MTA1: variants seen among roughly 807,000 people sequenced by gnomAD.
The protein encoded by MTA1 is metastasis-associated protein MTA1.
A neutral mutation model predicts 97.0 loss-of-function variants in MTA1; 15 were observed. That is an observed-to-expected ratio of 0.15 (90% CI 0.10 to 0.24). The LOEUF is 0.24. Ranked by LOEUF, MTA1 falls within the 10% of genes least tolerant of loss-of-function variation. The probability of loss-of-function intolerance (pLI) is 1.00; values close to 1 mark genes in which losing one functional copy is unlikely to be tolerated. For synonymous variants in MTA1, 435 were observed against 417.5 expected, an observed-to-expected ratio of 1.04 and a Z score of -0.51; for missense variants, 709 against 1,015.1, an observed-to-expected ratio of 0.70 and a Z score of 4.10.
chr14:105,448,050 A>G (rs1009574102), intron 3 of MTA1, among the ~76,000 whole-genome samples: 18 of 152,070 alleles, frequency 1.2e-4, no homozygotes, highest in Non-Finnish European at 2.1e-4. Flanking sequence ...CCCCTGTGGC[A>G]GAGAAGCCCT....
Position 105,450,335 on chromosome 14 carries a change from G to C in MTA1, c.432+11G>C. ...TACCTGGAGCGGGAGGTGAGGCCCA[G>C]CCCGGCCTGGTCTGCCGCAGCCAGT... On this transcript the variant is annotated intron_variant, in intron 6 of 20. Coordinates refer to ENST00000331320, the MANE Select transcript of MTA1 (RefSeq NM_004689.4). 6.3e-7 allele frequency: 1 copy of C among 1,597,822 alleles called. No homozygotes were observed. Among genetic ancestry groups the C allele is most frequent in the African/African-American group, 1.3e-5 (1 of 74,746 alleles).
chr14:105,447,153 C>G (rs936833832), intron 3 of MTA1, among the ~76,000 whole-genome samples: 10 of 152,212 alleles, frequency 6.6e-5, no homozygotes, highest in African/African-American at 2.2e-4. Context: ...CTCTGCAGGG[C>G]TGGCCCGCTG....
Position 105,420,014 on chromosome 14 carries a change from C to A in MTA1, c.-22C>A. 1 of 1,057,774 alleles carries A rather than the reference C, an allele frequency of 9.5e-7. No individual in the cohort carries two copies. The highest frequency in any genetic ancestry group is 1.1e-6 in the Non-Finnish European group (1 of 874,090). 65.5% of individuals were successfully genotyped at this position (1,057,774 alleles called of 1,614,324 possible). ...CGAGCGCCGCGCCCGCCCCGGGCCC[C>A]TCCGCCGCCGCCGGCCCGGACATGG... On this transcript the variant is annotated 5_prime_UTR_variant, in exon 1 of 21. Transcript: ENST00000331320. The surrounding 1 kb of genome is among the most constrained non-coding windows in gnomAD (Gnocchi z 5.3).
At position 105,422,471 on chromosome 14, in the gene MTA1, C is replaced by T. The variant is rs1034198616; in HGVS notation, c.28+2408C>T. Among the ~76,000 whole-genome samples the T allele has an allele frequency of 7.9e-5, 12 of 152,134 alleles. No individual in the cohort carries two copies. The highest frequency in any genetic ancestry group is 1.3e-4 in the Admixed American group (2 of 15,268). On this transcript the variant is annotated intron_variant, in intron 1 of 20. Transcript: ENST00000331320. This position sits in a 1 kb window ranked among gnomAD's most constrained non-coding sequence, Gnocchi z 4.3. ...GCCAGTCCTGGCCTGTGGGAGATGC[C>T]GGCAGGGACCCAGCCTGGGAAGGGG...
intron 16 of MTA1, 96 bp from the exon 17 acceptor site, chr14:105,466,330 G>A (rs1316601962): frequency 2.6e-6 from 3 of 1,165,338 alleles, no homozygotes; most frequent in Non-Finnish European, 3.7e-6. Context: ...TTAGTTCCTG[G>A]GGGTATCCCG....
chr14:105,462,097 G>T (rs1431437825), intron 10 of MTA1, among the ~76,000 whole-genome samples: 1 of 152,226 alleles, frequency 6.6e-6, no homozygotes, highest in Non-Finnish European at 1.5e-5. Context: ...CGGCTGCGGG[G>T]CCATGCCCAG....
In MTA1 at chr14:105,445,315, C is replaced by T. The variant is rs1238282350; in HGVS notation, c.97-103C>T. 3.0e-6 allele frequency: 3 copies of T among 1,002,758 alleles called. No homozygotes were observed. The East Asian group carries it at 7.3e-5, about 24-fold the overall frequency. The allele number at this position is 1,002,758 out of a possible 1,614,324, so 62.1% of individuals were successfully genotyped here. On this transcript the variant is annotated intron_variant, in intron 2 of 20. Transcript: ENST00000331320. ...GTCCCGAGGGGTGGTGTGGTTACAC[C>T]TGCAGTCCCTGGACGGCAGGGTCCG...
Position 105,420,149 on chromosome 14 carries a change from C to G in MTA1, c.28+86C>G. 1 of 667,090 alleles carries G rather than the reference C, an allele frequency of 1.5e-6. No homozygotes were observed. The highest frequency in any genetic ancestry group is 1.9e-6 in the Non-Finnish European group (1 of 536,900). The allele number at this position is 667,090 out of a possible 1,614,324, so 41.3% of individuals were successfully genotyped here. The stretch of plus-strand genomic sequence containing the variant: ...CTGCCGCCTCCCCCGCCCCTCTGCC[C>G]CGCAGGCCCCGCGCCCCCCGCCCGC... On this transcript the variant is annotated intron_variant, in intron 1 of 20. Coordinates refer to ENST00000331320, the MANE Select transcript of MTA1 (RefSeq NM_004689.4). The surrounding 1 kb of genome is among the most constrained non-coding windows in gnomAD (Gnocchi z 5.3).
chr14:105,467,402 G>A (rs981147343), intron 18 of MTA1: 5 of 455,606 alleles, frequency 1.1e-5, no homozygotes, highest in African/African-American at 2.0e-5. Context: ...GGGCAGCAGG[G>A]CCGGTTTGGC....
intron 1 of MTA1, among the ~76,000 whole-genome samples, chr14:105,426,259 A>G (rs1160037132): frequency 1.3e-5 from 2 of 151,824 alleles, no homozygotes; most frequent in South Asian, 2.1e-4. Context: ...AAACCAGGGC[A>G]GCGGCAGCGG....
intron 6 of MTA1, 121 bp downstream of exon 6, chr14:105,450,445 G>T (rs1259611576): frequency 3.3e-5 from 38 of 1,151,100 alleles, no homozygotes; most frequent in Middle Eastern, 2.5e-4. Context: ...GGCCCAGGCT[G>T]TTCTGGGGGG....
rs587733941 is a variant in MTA1, at chr14:105,446,399, G to A, written c.190+888G>A. ...GAGGCATGTGACTGCCCGGGTACCC[G>A]TGTCGCTGGGGTGGGCCAAGGTCCC... On this transcript the variant is annotated intron_variant, in intron 3 of 20. Transcript: ENST00000331320. Among the ~76,000 whole-genome samples, 11 of 152,358 alleles carry A rather than the reference G, an allele frequency of 7.2e-5. No homozygotes were observed. In the East Asian group the frequency reaches 1.5e-3, roughly 21 times the overall value.
At chr14:105,446,419 G>A (rs1402234540) in intron 3 of MTA1, among the ~76,000 whole-genome samples, 6 of 152,210 alleles carry the variant, frequency 3.9e-5, no homozygotes, top group Non-Finnish European at 7.4e-5. Context: ...GGTGGGCCAA[G>A]GTCCCACCTG....
At chr14:105,438,764 G>A in intron 2 of MTA1, 25 bp downstream of exon 2, 1 of 1,608,204 alleles carries the variant, frequency 6.2e-7, no homozygotes, top group Non-Finnish European at 8.5e-7. Flanking sequence ...TGGTGTTGCT[G>A]CAGGGGGGTA....
intron 6 of MTA1, among the ~76,000 whole-genome samples, chr14:105,453,856 C>A (rs1466581550): frequency 2.6e-5 from 4 of 151,384 alleles, no homozygotes; most frequent in African/African-American, 9.8e-5. Flanking sequence ...GGGCTGTAGC[C>A]GTATCCACCC....
At chr14:105,441,696 A>C (rs1363610036) in intron 2 of MTA1, among the ~76,000 whole-genome samples, 2 of 152,218 alleles carry the variant, frequency 1.3e-5, no homozygotes, top group Non-Finnish European at 2.9e-5. Flanking sequence ...CGGGAGGCTG[A>C]GGCAGGAGAA....
chr14:105,463,159 G>A lies in MTA1; in HGVS notation c.943-25G>A, dbSNP rs1555431436. ...GCCTGCCTCCTGCCCCTTCCTGCTTGTGTGACACGCCTCCTCCCACCCAGC... is the reference window on the plus strand; with the variant it reads ...GCCTGCCTCCTGCCCCTTCCTGCTTATGTGACACGCCTCCTCCCACCCAGC... On this transcript the variant is annotated intron_variant, in intron 10 of 20. Transcript: ENST00000331320. The surrounding 1 kb of genome is among the most constrained non-coding windows in gnomAD (Gnocchi z 5.9). 1.2e-6 allele frequency: 2 copies of A among 1,609,054 alleles called. No individual in the cohort carries two copies. The highest frequency in any genetic ancestry group is 1.7e-6 in the Non-Finnish European group (2 of 1,178,734).
At chr14:105,457,817 C>T (rs1555430201) in intron 7 of MTA1, among the ~76,000 whole-genome samples, 3 of 152,026 alleles carry the variant, frequency 2.0e-5, no homozygotes, top group African/African-American at 7.2e-5. Context: ...CCCAGCTACT[C>T]AGGAGGCTGA....
At position 105,470,286 on chromosome 14, in the gene MTA1, G is replaced by A. The variant is rs1456727546; in HGVS notation, c.*71G>A. 1.4e-5 allele frequency: 17 copies of A among 1,184,414 alleles called. 1 individual carries two copies. In the Admixed American group the frequency reaches 2.0e-4, roughly 14 times the overall value. 73.4% of individuals were successfully genotyped at this position (1,184,414 alleles called of 1,614,324 possible). A position where few individuals can be genotyped will look rare whatever the true frequency, so the allele number is the denominator to read the frequency against. ...ACGGCCCCTTCCCAGCCAGCCCGCC[G>A]CCCGCCCCTCAGTTTGGTAGTGCCC... On this transcript the variant is annotated 3_prime_UTR_variant, in exon 21 of 21. Coordinates refer to ENST00000331320, the MANE Select transcript of MTA1 (RefSeq NM_004689.4).
Sources: allele counts gnomAD v4.1 joint callset (sites outside exome capture counted in the v4.1 genomes callset), GRCh38; gene constraint gnomAD v4.1.1; non-coding constraint Gnocchi (gnomAD v3.1); transcripts MANE v1.5; gene names NCBI Gene and HGNC (gene_info 2026-07-23, HGNC 2026-07-21).